CEP63: variants seen among roughly 807,000 people sequenced by gnomAD.
CEP63 encodes the protein centrosomal protein 63.
In CEP63, 84 loss-of-function variants were observed where a neutral mutation model predicts 89.1. That is an observed-to-expected ratio of 0.94 (90% CI 0.79 to 1.13). The LOEUF (loss-of-function observed/expected upper bound fraction) is 1.13, where lower values mean the gene tolerates loss of function less well. CEP63 is among the 50% of genes most tolerant of loss of function. CEP63 has a pLI of 0.00. For synonymous variants in CEP63, 267 were observed against 272.5 expected (o/e 0.98, Z 0.20); for missense variants, 838 against 813.3 (o/e 1.03, Z -0.37).
the CEP63 span, among the ~76,000 whole-genome samples, chr3:134,672,789 T>C: frequency 6.6e-6 from 1 of 152,244 alleles, no homozygotes; most frequent in South Asian, 2.1e-4. Context: ...GTTGGATACC[T>C]GGCCCCTTGC....
chr3:134,591,023 T>G (rs1242984802), downstream of CEP63, among the ~76,000 whole-genome samples: 4 of 152,214 alleles, frequency 2.6e-5, no homozygotes, highest in Non-Finnish European at 5.9e-5. Flanking sequence ...GACCTCTTTC[T>G]TGGTCTCTGT....
the CEP63 span, among the ~76,000 whole-genome samples, chr3:134,711,304 A>G: frequency 1.3e-5 from 2 of 152,106 alleles, no homozygotes; most frequent in Non-Finnish European, 2.9e-5. Flanking sequence ...TCATGTCTTT[A>G]TCACTAAATT....
the CEP63 span, among the ~76,000 whole-genome samples, chr3:134,593,337 A>G: frequency 3.9e-3 from 598 of 152,296 alleles, 1 homozygote; most frequent in Admixed American, 5.6e-3. Flanking sequence ...TTTTCTAGTC[A>G]TTGTACCATA....
At chr3:134,486,027 C>T (rs1429779452), upstream of CEP63, 1 of 984,024 alleles carries the variant, frequency 1.0e-6, no homozygotes, top group Non-Finnish European at 1.2e-6. Flanking sequence ...TGTCTGCACT[C>T]GCTTTCCTCG....
the CEP63 span, chr3:134,628,081 T>A: frequency 1.9e-6 from 1 of 537,266 alleles, no homozygotes; most frequent in Middle Eastern, 2.8e-4. Context: ...TAGTATTTGC[T>A]CTGACCTAAC....
At chr3:134,647,368 A>T in the CEP63 span, 1 of 1,273,750 alleles carries the variant, frequency 7.9e-7, no homozygotes, top group African/African-American at 1.5e-5. Context: ...AATGAGTGAA[A>T]CCCAATTCTT....
intron 12 of CEP63, among the ~76,000 whole-genome samples, chr3:134,557,347 C>A (rs1956375452): frequency 7.0e-6 from 1 of 141,986 alleles, no homozygotes; most frequent in Non-Finnish European, 1.5e-5. Flanking sequence ...TTTGTCAGAC[C>A]ACTCTTGACC....
At chr3:134,510,533 C>A (rs1944604375) in intron 3 of CEP63, 2 of 431,018 alleles carry the variant, frequency 4.6e-6, no homozygotes, top group Non-Finnish European at 8.8e-6. Context: ...TTTATTCCCA[C>A]TGGATGCTTT....
At position 134,559,388 on chromosome 3, in the gene CEP63, A is replaced by G. The variant is rs1405333649; in HGVS notation, c.1912A>G (p.Met638Val). The G allele has an allele frequency of 1.2e-5, 19 of 1,613,578 alleles. No homozygotes were observed. Among genetic ancestry groups the G allele is most frequent in the African/African-American group, 4.0e-5 (3 of 74,912 alleles). The change falls in exon 14 of 15, where the codon ATG becomes GTG. Residue 638 changes from methionine (M) to valine (V), a missense_variant. Transcript: ENST00000675561. ...AAATGAAGCCAATTTTTCTGACACT[A>G]TGTCTGAGAGTATGAATGACCAAGA... is the stretch of plus-strand genomic sequence containing the variant. ...DTNEANFSDTMSESMNDQEEF... is the reference protein window; with the variant it reads ...DTNEANFSDTVSESMNDQEEF...
intron 12 of CEP63, 89 bp from the exon 13 acceptor site, chr3:134,558,053 T>A (rs1351406875): frequency 8.6e-7 from 1 of 1,160,798 alleles, no homozygotes; most frequent in African/African-American, 1.5e-5. Flanking sequence ...TACTTACAAC[T>A]AAAAAACACT....
intron 6 of CEP63, among the ~76,000 whole-genome samples, chr3:134,537,616 T>C (rs1237314983): frequency 6.6e-6 from 1 of 152,206 alleles, no homozygotes; most frequent in Non-Finnish European, 1.5e-5. Context: ...TCTTGGTCCC[T>C]AGCTTTGTCG....
chr3:134,552,047 C>A, intron 12 of CEP63, 35 bp downstream of exon 12: 2 of 1,110,698 alleles, frequency 1.8e-6, no homozygotes, highest in Non-Finnish European at 2.7e-6. Context: ...TTCTACTATC[C>A]AAGCCTTCAA....
At chr3:134,514,773 T>C (rs551345191) in intron 3 of CEP63, among the ~76,000 whole-genome samples, 3 of 152,194 alleles carry the variant, frequency 2.0e-5, no homozygotes, top group Admixed American at 6.5e-5. Context: ...TAAGGAAATA[T>C]TAAAAAATGT....
At chr3:134,541,676 A>G (rs1952042828) in intron 6 of CEP63, among the ~76,000 whole-genome samples, 1 of 151,692 alleles carries the variant, frequency 6.6e-6, no homozygotes, top group South Asian at 2.1e-4. Context: ...ACCATGCCCA[A>G]CTGATTTTGT....
the CEP63 span, among the ~76,000 whole-genome samples, chr3:134,635,879 A>C: frequency 6.6e-6 from 1 of 152,260 alleles, no homozygotes; most frequent in Admixed American, 6.5e-5. Context: ...TAAAAATCCA[A>C]AGCCGATTAT....
At chr3:134,743,834 C>A in the CEP63 span, among the ~76,000 whole-genome samples, 1 of 152,154 alleles carries the variant, frequency 6.6e-6, no homozygotes, top group Non-Finnish European at 1.5e-5. Flanking sequence ...AAGTTCCAAC[C>A]CTAGTACAGA....
intron 6 of CEP63, among the ~76,000 whole-genome samples, chr3:134,540,824 G>T (rs1161546164): frequency 7.0e-6 from 1 of 142,606 alleles, no homozygotes; most frequent in African/African-American, 2.6e-5. Context: ...AGCCTCGGTT[G>T]CCCAGCCTGG....
At chr3:134,521,401 A>G (rs1947420554) in intron 3 of CEP63, among the ~76,000 whole-genome samples, 1 of 151,814 alleles carries the variant, frequency 6.6e-6, no homozygotes, top group Admixed American at 6.6e-5. Flanking sequence ...CAGTAGTAGA[A>G]GATACACATT....
the CEP63 span, among the ~76,000 whole-genome samples, chr3:134,594,319 C>G: frequency 6.6e-6 from 1 of 152,126 alleles, no homozygotes; most frequent in African/African-American, 2.4e-5. Context: ...GCCCTCATGC[C>G]ACCAGCCTCT....
Sources: allele counts gnomAD v4.1 joint callset (sites outside exome capture counted in the v4.1 genomes callset), GRCh38; gene constraint gnomAD v4.1.1; transcripts MANE v1.5; gene names NCBI Gene and HGNC (gene_info 2026-07-23, HGNC 2026-07-21).